Variants in WBP1L observed in about 807,000 individuals in gnomAD.
WBP1L encodes the protein WW domain binding protein 1-like.
A neutral mutation model predicts 33.7 loss-of-function variants in WBP1L; 17 were observed. The ratio of observed to expected loss-of-function variants is 0.50; its 90% CI spans 0.34 to 0.76. WBP1L has a LOEUF of 0.76. Ranked by LOEUF, WBP1L falls within the 30% of genes least tolerant of loss-of-function variation. WBP1L has a pLI of 0.01. For synonymous variants in WBP1L, 173 were observed against 190.8 expected (o/e 0.91, Z 0.77); for missense variants, 389 against 469.4 (o/e 0.83, Z 1.58).
intron 1 of WBP1L, among the ~76,000 whole-genome samples, chr10:102,767,543 TAA>T (rs1843128841): frequency 6.6e-6 from 1 of 151,890 alleles, no homozygotes; most frequent in Non-Finnish European, 1.5e-5. Context: ...TCAAAAAAAA[TAA>T]AAGACTGAGG....
chr10:102,782,160 G>A (rs1231129629), intron 1 of WBP1L, among the ~76,000 whole-genome samples: 3 of 150,424 alleles, frequency 2.0e-5, no homozygotes, highest in Non-Finnish European at 4.4e-5. Flanking sequence ...GAGCAACTGT[G>A]CCTGGCCTCG....
At chr10:102,779,393 T>G (rs9420876) in intron 1 of WBP1L, among the ~76,000 whole-genome samples, 149,350 of 151,842 alleles carry the variant, frequency 0.98, 73,482 homozygotes, top group East Asian at 1. Context: ...TGCCTTCCGG[T>G]TTCAAGCCAT....
At chr10:102,794,349 C>T (rs188395571) in intron 1 of WBP1L, among the ~76,000 whole-genome samples, 2 of 152,132 alleles carry the variant, frequency 1.3e-5, no homozygotes, top group South Asian at 2.1e-4. Context: ...CGTGGTGGCT[C>T]ACGCCTGTAA....
At chr10:102,759,102 T>C (rs929945516) in intron 1 of WBP1L, among the ~76,000 whole-genome samples, 102 of 152,240 alleles carry the variant, frequency 6.7e-4, no homozygotes, top group Middle Eastern at 3.4e-3. Flanking sequence ...TATCCAGCCT[T>C]CCACAAGAAG....
At chr10:102,801,327 A>G (rs1353386235) in intron 2 of WBP1L, among the ~76,000 whole-genome samples, 1 of 152,136 alleles carries the variant, frequency 6.6e-6, no homozygotes, top group East Asian at 1.9e-4. Context: ...CCCTTATTCC[A>G]GTGCTCTTGA....
intron 1 of WBP1L, among the ~76,000 whole-genome samples, chr10:102,780,436 C>G (rs1333719099): frequency 6.6e-6 from 1 of 152,198 alleles, no homozygotes; most frequent in Non-Finnish European, 1.5e-5. Flanking sequence ...TTTCGGAGAA[C>G]AGTATTGCAA....
rs900573661 is a variant in WBP1L, at chr10:102,813,271, G to C, written c.1032G>C (p.Leu344=). The change falls in exon 4 of 4, where the codon CTG becomes CTC. Residue 344 remains leucine, a synonymous_variant. Transcript: ENST00000448841. ...PHLPRPPACL[L]LNTINEQDSP... ...TGCCACGGCCGCCCGCATGCCTGCT[G>C]CTGAACACCATCAACGAGCAGGACT... 1.7e-5 allele frequency: 27 copies of C among 1,612,924 alleles called. No homozygotes were observed. The highest frequency in any genetic ancestry group is 2.2e-5 in the Non-Finnish European group (26 of 1,179,994).
Position 102,744,292 on chromosome 10 carries a change from G to A in WBP1L, c.90+149G>A. On this transcript the variant is annotated intron_variant, in intron 1 of 3. Coordinates refer to ENST00000448841, the MANE Select transcript of WBP1L (RefSeq NM_001083913.2). ...CGTGGACAGGATCTAAAGGGGCGTCGGTATTTAGCTGAGGGACACCTGTGA... is the reference window on the plus strand; with the variant it reads ...CGTGGACAGGATCTAAAGGGGCGTCAGTATTTAGCTGAGGGACACCTGTGA... 3.2e-6 allele frequency: 4 copies of A among 1,269,784 alleles called. No individual in the cohort carries two copies. The South Asian group carries it at 7.3e-5, about 23-fold the overall frequency. 78.7% of individuals were successfully genotyped at this position (1,269,784 alleles called of 1,614,324 possible). A position where few individuals can be genotyped will look rare whatever the true frequency, so the allele number is the denominator to read the frequency against.
chr10:102,811,218 G>A (rs1029375810), intron 3 of WBP1L, among the ~76,000 whole-genome samples: 2 of 151,976 alleles, frequency 1.3e-5, no homozygotes, highest in South Asian at 2.1e-4. Flanking sequence ...CAGTTATAAC[G>A]TGAGTGAATT....
intron 2 of WBP1L, among the ~76,000 whole-genome samples, chr10:102,808,933 CAGA>C (rs1843783804): frequency 6.6e-6 from 1 of 152,122 alleles, no homozygotes; most frequent in Admixed American, 6.5e-5. Flanking sequence ...GAGACCATCC[CAGA>C]AGGTCTGCAT....
At chr10:102,796,537 C>T (rs1295060787) in intron 1 of WBP1L, among the ~76,000 whole-genome samples, 4 of 152,138 alleles carry the variant, frequency 2.6e-5, no homozygotes, top group East Asian at 1.9e-4. Context: ...GAGGAGGAGC[C>T]GACCATGTGA....
chr10:102,793,772 C>T (rs1269821102), intron 1 of WBP1L, among the ~76,000 whole-genome samples: 2 of 151,268 alleles, frequency 1.3e-5, no homozygotes. Context: ...ATCCAGCTCA[C>T]TCTTTTTTTT....
At chr10:102,808,420 C>G (rs1843772004) in intron 2 of WBP1L, among the ~76,000 whole-genome samples, 1 of 151,920 alleles carries the variant, frequency 6.6e-6, no homozygotes, top group African/African-American at 2.4e-5. Context: ...GAGAGGAGGT[C>G]TTATATTGGG....
At chr10:102,756,238 C>T (rs560994448) in intron 1 of WBP1L, among the ~76,000 whole-genome samples, 8 of 152,188 alleles carry the variant, frequency 5.3e-5, no homozygotes, top group African/African-American at 1.7e-4. Flanking sequence ...TGTGAAACCT[C>T]GTCTCTACTA....
At position 102,776,454 on chromosome 10, in the gene WBP1L, G is replaced by T. The variant is rs200864766; in HGVS notation, c.91-21539G>T. ...TGCACGGATCGGGTTTGGAAGGGAA[G>T]AAGGGGTGGGAGCTTGTTTATTGTA... On this transcript the variant is annotated intron_variant, in intron 1 of 3. Transcript: ENST00000448841. 183 of 1,613,938 alleles carry T rather than the reference G, an allele frequency of 1.1e-4. No homozygotes were observed. The East Asian group carries it at 3.4e-3, about 30-fold the overall frequency.
At chr10:102,810,759 G>T (rs1162199529) in intron 3 of WBP1L, among the ~76,000 whole-genome samples, 1 of 151,486 alleles carries the variant, frequency 6.6e-6, no homozygotes, top group Non-Finnish European at 1.5e-5. Flanking sequence ...TAGAGACAGG[G>T]TTTCTCCATG....
At chr10:102,811,124 G>GA in intron 3 of WBP1L, among the ~76,000 whole-genome samples, 1 of 152,194 alleles carries the variant, frequency 6.6e-6, no homozygotes, top group East Asian at 1.9e-4. Flanking sequence ...AAACAATTGT[G>GA]GGCCGGGCTC....
chr10:102,777,094 A>G (rs1408217195), intron 1 of WBP1L, among the ~76,000 whole-genome samples: 1 of 152,194 alleles, frequency 6.6e-6, no homozygotes, highest in Non-Finnish European at 1.5e-5. Flanking sequence ...GTGGAATGAG[A>G]GAACAGTAGC....
At chr10:102,787,732 G>A (rs1207933396) in intron 1 of WBP1L, among the ~76,000 whole-genome samples, 1 of 152,116 alleles carries the variant, frequency 6.6e-6, no homozygotes, top group Non-Finnish European at 1.5e-5. Flanking sequence ...ATTTGAAAAT[G>A]TGTGCCCTTG....
Sources: allele counts gnomAD v4.1 joint callset (sites outside exome capture counted in the v4.1 genomes callset), GRCh38; gene constraint gnomAD v4.1.1; transcripts MANE v1.5; gene names NCBI Gene and HGNC (gene_info 2026-07-23, HGNC 2026-07-21).